The following RASGRF2 variants were observed in gnomAD, a reference collection of about 807,000 sequenced individuals.
RASGRF2 encodes ras-specific guanine nucleotide-releasing factor 2.
RASGRF2 carries 76 observed loss-of-function variants against 151.0 expected under a neutral mutation model. The ratio of observed to expected loss-of-function variants is 0.50; its 90% confidence interval spans 0.42 to 0.61. The LOEUF (loss-of-function observed/expected upper bound fraction) is 0.61. RASGRF2 is among the 20% of genes least tolerant of loss of function. The probability of loss-of-function intolerance (pLI) is 0.00; values close to 1 mark genes in which losing one functional copy is unlikely to be tolerated. For missense variants in RASGRF2, 1,148 were observed against 1,564.6 expected (o/e 0.73, Z 4.49); for synonymous variants, 504 against 566.5 (o/e 0.89, Z 1.57).
intron 17 of RASGRF2, among the ~76,000 whole-genome samples, chr5:81,151,351 A>T (rs1168472590): frequency 6.7e-6 from 1 of 149,148 alleles, no homozygotes; most frequent in Non-Finnish European, 1.5e-5. Context: ...AGTTGAAAGG[A>T]GATTGGGTTT....
chr5:81,104,662 G>A (rs1158194611), intron 12 of RASGRF2, among the ~76,000 whole-genome samples: 3 of 152,082 alleles, frequency 2.0e-5, no homozygotes, highest in Non-Finnish European at 4.4e-5. Context: ...ATTTTATGCA[G>A]TATTCTGACT....
At chr5:81,146,910 A>G (rs1275705242) in intron 17 of RASGRF2, among the ~76,000 whole-genome samples, 2 of 152,206 alleles carry the variant, frequency 1.3e-5, no homozygotes, top group Non-Finnish European at 2.9e-5. Flanking sequence ...AATTGGTTAT[A>G]TAGGTCTTTC....
chr5:81,101,725 A>G (rs1752703983), intron 12 of RASGRF2, among the ~76,000 whole-genome samples: 1 of 152,246 alleles, frequency 6.6e-6, no homozygotes, highest in African/African-American at 2.4e-5. Context: ...AGACATTTTT[A>G]TATAATTTAA....
At position 81,197,412 on chromosome 5, in the gene RASGRF2, C is replaced by T. The variant is rs562212998; in HGVS notation, c.2794-3918C>T. ...CGGAGCTTGCAGTGAGCCGAGATTGCGCCACTGCAGTCCGCAATCCGGCCT... is the reference window on the plus strand; with the variant it reads ...CGGAGCTTGCAGTGAGCCGAGATTGTGCCACTGCAGTCCGCAATCCGGCCT... On this transcript the variant is annotated intron_variant, in intron 18 of 26. Coordinates refer to ENST00000265080, the MANE Select transcript of RASGRF2 (RefSeq NM_006909.3). 2.1e-4 allele frequency among the ~76,000 whole-genome samples: 30 copies of T among 140,450 alleles called. No individual in the cohort carries two copies. In the East Asian group the frequency reaches 6.6e-3, roughly 31 times the overall value. 92.1% of individuals were successfully genotyped at this position (140,450 alleles called of 152,430 possible). A position where few individuals can be genotyped will look rare whatever the true frequency, so the allele number is the denominator to read the frequency against.
intron 2 of RASGRF2, among the ~76,000 whole-genome samples, chr5:81,045,541 G>A (rs1750808912): frequency 6.6e-6 from 1 of 152,104 alleles, no homozygotes; most frequent in Non-Finnish European, 1.5e-5. Context: ...CCACTTAAGT[G>A]GTTTAGATGA....
intron 1 of RASGRF2, among the ~76,000 whole-genome samples, chr5:80,984,292 G>A (rs539763094): frequency 2.0e-5 from 3 of 152,180 alleles, no homozygotes; most frequent in Non-Finnish European, 2.9e-5. Flanking sequence ...GGCCTCAAGT[G>A]ATCCACCCGC....
chr5:80,962,666 T>TC (rs1747601152), intron 1 of RASGRF2, among the ~76,000 whole-genome samples: 1 of 152,066 alleles, frequency 6.6e-6, no homozygotes, highest in Non-Finnish European at 1.5e-5. Flanking sequence ...TTCATATGGC[T>TC]CTCTGACTTG....
chr5:81,209,091 T>C (rs1002951214), intron 22 of RASGRF2, among the ~76,000 whole-genome samples: 4 of 152,154 alleles, frequency 2.6e-5, no homozygotes, highest in Admixed American at 6.5e-5. Context: ...CCTGGTGGTG[T>C]TGGTCACGGT....
intron 1 of RASGRF2, among the ~76,000 whole-genome samples, chr5:81,007,041 C>T (rs904816903): frequency 2.0e-5 from 3 of 152,138 alleles, no homozygotes; most frequent in Non-Finnish European, 2.9e-5. Context: ...GGTATATAAC[C>T]ATTAACCATC....
intron 17 of RASGRF2, among the ~76,000 whole-genome samples, chr5:81,129,887 A>T (rs1337002699): frequency 6.6e-6 from 1 of 152,200 alleles, no homozygotes; most frequent in East Asian, 1.9e-4. Flanking sequence ...TTTATTTGAG[A>T]TGAGCCCATT....
At chr5:81,224,710 G>A (rs754519435) in intron 26 of RASGRF2, among the ~76,000 whole-genome samples, 16 of 152,198 alleles carry the variant, frequency 1.1e-4, no homozygotes, top group Non-Finnish European at 2.4e-4. Flanking sequence ...GCCATGAGAG[G>A]GAGCAGACTA....
chr5:81,132,132 C>T lies in RASGRF2; in HGVS notation c.2686+4969C>T, dbSNP rs78529275. On this transcript the variant is annotated intron_variant, in intron 17 of 26. Coordinates refer to ENST00000265080, the MANE Select transcript of RASGRF2 (RefSeq NM_006909.3). ...TACTAATTTATCTTGCTTTATTATC[C>T]ATTTCTCCAATAAATGTAAGATCGA... Among the ~76,000 whole-genome samples, 970 of 152,122 alleles carry T rather than the reference C, an allele frequency of 6.4e-3. 8 individuals are homozygous for T. The highest frequency in any genetic ancestry group is 7.2e-3 in the Non-Finnish European group (489 of 67,990).
chr5:81,097,998 G>A (rs61110776), intron 12 of RASGRF2, among the ~76,000 whole-genome samples: 4,605 of 152,300 alleles, frequency 0.03, 221 homozygotes, highest in African/African-American at 0.1. Context: ...TGGAAGCAGG[G>A]AGATGAGTGA....
At chr5:81,086,710 C>G in intron 8 of RASGRF2, 125 bp from the exon 9 acceptor site, 4 of 755,556 alleles carry the variant, frequency 5.3e-6, no homozygotes, top group Middle Eastern at 2.8e-4. Context: ...GCCTATTTCC[C>G]CCAAACCCCC....
chr5:81,020,214 G>A (rs1312654084), intron 1 of RASGRF2, among the ~76,000 whole-genome samples: 2 of 152,144 alleles, frequency 1.3e-5, no homozygotes, highest in Non-Finnish European at 2.9e-5. Context: ...TCGTGAACCT[G>A]CCAACCTACA....
rs561202730 is a variant in RASGRF2, at chr5:81,059,780, G to T, written c.396-8252G>T. On this transcript the variant is annotated intron_variant, in intron 2 of 26. Coordinates refer to ENST00000265080, the MANE Select transcript of RASGRF2 (RefSeq NM_006909.3). ...AATTGCTTGAACCCAGGAGGCGGAG[G>T]TTGCAGTAAGCTGAGATCGCGCCAC... 9.2e-5 allele frequency among the ~76,000 whole-genome samples: 14 copies of T among 152,114 alleles called. No individual in the cohort carries two copies. In the South Asian group the frequency reaches 2.9e-3, roughly 32 times the overall value.
At chr5:81,067,322 A>G (rs1199143579) in intron 2 of RASGRF2, among the ~76,000 whole-genome samples, 1 of 152,210 alleles carries the variant, frequency 6.6e-6, no homozygotes, top group East Asian at 1.9e-4. Context: ...TCTGGAGGCA[A>G]AATTTTAGAT....
In RASGRF2 at chr5:81,227,141, T is replaced by C. The variant is rs1756017336; in HGVS notation, c.*1371T>C. 1.3e-5 allele frequency: 2 copies of C among 152,350 alleles called. No homozygotes were observed. Among genetic ancestry groups the C allele is most frequent in the Middle Eastern group, 3.4e-3 (1 of 294 alleles). 9.4% of individuals were successfully genotyped at this position (152,350 alleles called of 1,614,324 possible). A position where few individuals can be genotyped will look rare whatever the true frequency, so the allele number is the denominator to read the frequency against. ...TTTTCTCTTAGCAGCATGAAACTTA[T>C]TGATGCTGACAATGAAAAATGGATC... On this transcript the variant is annotated 3_prime_UTR_variant, in exon 27 of 27. Coordinates refer to ENST00000265080, the MANE Select transcript of RASGRF2 (RefSeq NM_006909.3).
At chr5:81,048,679 C>T (rs1301181854) in intron 2 of RASGRF2, among the ~76,000 whole-genome samples, 1 of 152,184 alleles carries the variant, frequency 6.6e-6, no homozygotes, top group Non-Finnish European at 1.5e-5. Flanking sequence ...GGGAGCCATC[C>T]TCATGATTCT....
Sources: gnomAD v4.1 joint callset for allele counts (sites outside exome capture counted in the v4.1 genomes callset) on GRCh38, gnomAD v4.1.1 for gene constraint, MANE v1.5 for transcripts, NCBI Gene and HGNC (gene_info 2026-07-23, HGNC 2026-07-21) for gene names.